CSMD2: variants seen among roughly 807,000 people sequenced by gnomAD.
CSMD2 encodes the protein CUB and sushi domain-containing protein 2.
CSMD2 carries 130 observed loss-of-function variants against 398.5 expected under a neutral mutation model. That is an observed-to-expected ratio of 0.33 (90% CI 0.28 to 0.38). The LOEUF is 0.38. Ranked by LOEUF, CSMD2 falls within the 10% of genes least tolerant of loss-of-function variation. The pLI is 1.00. For synonymous variants in CSMD2, 1,828 were observed against 1,908.5 expected, an observed-to-expected ratio of 0.96 and a Z score of 1.10; for missense variants, 3,829 against 4,764.9, an observed-to-expected ratio of 0.80 and a Z score of 5.78.
Position 33,525,055 on chromosome 1 carries a change from G to A in CSMD2, c.10235-12C>T. The A allele has an allele frequency of 6.2e-7, 1 of 1,613,978 alleles. No individual in the cohort carries two copies. Among genetic ancestry groups the A allele is most frequent in the Non-Finnish European group, 8.5e-7 (1 of 1,179,908 alleles). ...AACATCCCCAGGAACTAGAGGAATT[G>A]AGAAATAGATGTGAGAGGGACTTTG... On this transcript the variant is annotated splice_polypyrimidine_tract_variant and intron_variant, in intron 65 of 70. Coordinates refer to ENST00000373381, the MANE Select transcript of CSMD2 (RefSeq NM_001281956.2).
chr1:33,909,213 C>G (rs1268509544), intron 5 of CSMD2, among the ~76,000 whole-genome samples: 1 of 152,150 alleles, frequency 6.6e-6, no homozygotes, highest in African/African-American at 2.4e-5. Context: ...CAGGCCTATG[C>G]TACCTCCATG....
chr1:34,076,928 A>AAAATATATATAT (rs1232288848), intron 2 of CSMD2, among the ~76,000 whole-genome samples: 3 of 53,600 alleles, frequency 5.6e-5, no homozygotes, highest in Admixed American at 3.1e-4. Context: ...AAAAAAAAAA[A>AAAATATATATAT]ATATATATAT....
chr1:34,067,447 T>A (rs1039289483), intron 2 of CSMD2, among the ~76,000 whole-genome samples: 2 of 152,148 alleles, frequency 1.3e-5, no homozygotes, highest in Non-Finnish European at 2.9e-5. Flanking sequence ...CAACAAACTC[T>A]ACAAAGGATG....
chr1:33,919,827 T>TCA (rs1643879438), intron 4 of CSMD2, among the ~76,000 whole-genome samples: 1 of 149,702 alleles, frequency 6.7e-6, no homozygotes, highest in African/African-American at 2.6e-5. Flanking sequence ...ATTCATTCAC[T>TCA]TATTCATTCA....
chr1:33,519,407 C>A lies in CSMD2; in HGVS notation c.*53+58G>T. 1.8e-6 allele frequency: 2 copies of A among 1,085,246 alleles called. No homozygotes were observed. The highest frequency in any genetic ancestry group is 2.7e-6 in the Non-Finnish European group (2 of 733,614). 67.2% of individuals were successfully genotyped at this position (1,085,246 alleles called of 1,614,324 possible). On this transcript the variant is annotated intron_variant, in intron 70 of 70. Transcript: ENST00000373381. The surrounding 1 kb of genome is among the most constrained non-coding windows in gnomAD (Gnocchi z 5.6). ...ACTCCGTTGGGTGGAGCCCCTGGCACGCATAGGTCCCTGTCTGTGCTTGTC... is the reference window on the plus strand; with the variant it reads ...ACTCCGTTGGGTGGAGCCCCTGGCAAGCATAGGTCCCTGTCTGTGCTTGTC...
At position 33,825,835 on chromosome 1, in the gene CSMD2, C is replaced by T. The variant is rs1241717461; in HGVS notation, c.1034-61G>A. On this transcript the variant is annotated intron_variant, in intron 6 of 70. Transcript: ENST00000373381. ...GTTGCCTGTGACCAGGGATAAGGGT[C>T]CCTCTAGAAGGATTCCCCCTTGTGC... 4.3e-6 allele frequency: 6 copies of T among 1,383,470 alleles called. No homozygotes were observed. The African/African-American group carries it at 8.5e-5, about 20-fold the overall frequency. The allele number at this position is 1,383,470 out of a possible 1,614,324, so 85.7% of individuals were successfully genotyped here. A position where few individuals can be genotyped will look rare whatever the true frequency, so the allele number is the denominator to read the frequency against.
intron 1 of CSMD2, among the ~76,000 whole-genome samples, chr1:34,123,798 G>T (rs1662459554): frequency 6.6e-6 from 1 of 151,872 alleles, no homozygotes. Context: ...TGGTGGCTGT[G>T]TGAGAGCAGG....
intron 25 of CSMD2, among the ~76,000 whole-genome samples, chr1:33,675,118 C>A (rs1337430467): frequency 6.6e-6 from 1 of 152,092 alleles, no homozygotes; most frequent in Non-Finnish European, 1.5e-5. Flanking sequence ...CAGGGCAGAA[C>A]TGAAGGAAAT....
chr1:33,827,333 C>T (rs1658941605), intron 6 of CSMD2, among the ~76,000 whole-genome samples: 1 of 152,200 alleles, frequency 6.6e-6, no homozygotes, highest in African/African-American at 2.4e-5. Flanking sequence ...TATTTGGCCT[C>T]GATTGCTCTT....
intron 24 of CSMD2, among the ~76,000 whole-genome samples, chr1:33,696,167 C>T (rs1044213144): frequency 7.9e-5 from 12 of 152,090 alleles, no homozygotes; most frequent in African/African-American, 2.9e-4. Context: ...TTACTATAAG[C>T]GTCTGAATCA....
At chr1:33,847,600 T>G (rs1638362794) in intron 5 of CSMD2, among the ~76,000 whole-genome samples, 1 of 152,078 alleles carries the variant, frequency 6.6e-6, no homozygotes, top group Non-Finnish European at 1.5e-5. Context: ...CATGTTAGCT[T>G]AATAAATATA....
intron 5 of CSMD2, among the ~76,000 whole-genome samples, chr1:33,887,668 T>G (rs938376635): frequency 2.0e-5 from 3 of 152,156 alleles, no homozygotes; most frequent in African/African-American, 7.2e-5. Context: ...AATATAGAAT[T>G]TAGTAAAAGC....
chr1:34,077,774 G>T (rs941419662), intron 2 of CSMD2, among the ~76,000 whole-genome samples: 23 of 149,590 alleles, frequency 1.5e-4, no homozygotes, highest in Admixed American at 1.5e-3. Flanking sequence ...ATGCTGTGAG[G>T]AGACTCCAAA....
intron 2 of CSMD2, among the ~76,000 whole-genome samples, chr1:34,044,477 C>T (rs1037214679): frequency 6.6e-5 from 10 of 152,146 alleles, no homozygotes; most frequent in African/African-American, 2.4e-4. Flanking sequence ...AAACAATAGG[C>T]CCAGAGAATG....
chr1:33,571,144 A>T (rs538834889), intron 51 of CSMD2, among the ~76,000 whole-genome samples: 1 of 152,258 alleles, frequency 6.6e-6, no homozygotes, highest in African/African-American at 2.4e-5. Flanking sequence ...TTATCGCACC[A>T]CATTATCATC....
chr1:33,876,704 T>C (rs1480919010), intron 5 of CSMD2, among the ~76,000 whole-genome samples: 1 of 152,138 alleles, frequency 6.6e-6, no homozygotes, highest in Admixed American at 6.5e-5. Flanking sequence ...CACTCTACCA[T>C]GTGTCATAGT....
At chr1:34,150,082 T>TTTTC (rs1487825667) in intron 1 of CSMD2, among the ~76,000 whole-genome samples, 14 of 143,532 alleles carry the variant, frequency 9.8e-5, no homozygotes, top group South Asian at 4.7e-4. Context: ...CTTCTTTCTT[T>TTTTC]TTTTTTTGTT....
At chr1:34,155,321 C>T (rs1239332728) in intron 1 of CSMD2, among the ~76,000 whole-genome samples, 1 of 152,140 alleles carries the variant, frequency 6.6e-6, no homozygotes, top group Non-Finnish European at 1.5e-5. Context: ...TTCCTTAGAA[C>T]AAAATATCGT....
At chr1:33,875,835 G>A (rs547369398) in intron 5 of CSMD2, among the ~76,000 whole-genome samples, 2 of 152,312 alleles carry the variant, frequency 1.3e-5, no homozygotes, top group South Asian at 4.2e-4. Context: ...AGTCATCTTT[G>A]TATTTTGAAT....
Sources: allele counts gnomAD v4.1 joint callset (sites outside exome capture counted in the v4.1 genomes callset), GRCh38; gene constraint gnomAD v4.1.1; non-coding constraint Gnocchi (gnomAD v3.1); transcripts MANE v1.5; gene names NCBI Gene and HGNC (gene_info 2026-07-23, HGNC 2026-07-21).